SLC25A12: variants seen among roughly 807,000 people sequenced by gnomAD.
The protein encoded by SLC25A12 is electrogenic aspartate/glutamate antiporter SLC25A12, mitochondrial.
SLC25A12 carries 32 observed loss-of-function variants against 83.3 expected under a neutral mutation model. That is an observed-to-expected ratio of 0.38 (90% CI 0.29 to 0.52). The LOEUF (loss-of-function observed/expected upper bound fraction) is 0.52, where lower values mean the gene tolerates loss of function less well. Among genes scored for constraint, SLC25A12 ranks in the 20% least tolerant of loss-of-function variants. The probability of loss-of-function intolerance (pLI) is 0.84; values close to 1 mark genes in which losing one functional copy is unlikely to be tolerated. For synonymous variants in SLC25A12, 267 were observed against 291.1 expected (o/e 0.92, Z 0.84); for missense variants, 611 against 835.6 (o/e 0.73, Z 3.31).
intron 3 of SLC25A12, among the ~76,000 whole-genome samples, chr2:171,859,082 G>T (rs1233912167): frequency 6.6e-6 from 1 of 152,066 alleles, no homozygotes; most frequent in African/African-American, 2.4e-5. Context: ...CTTCAATTTG[G>T]TGTTCTTCCA....
At chr2:171,841,339 C>T (rs1009938226) in intron 5 of SLC25A12, among the ~76,000 whole-genome samples, 1 of 152,064 alleles carries the variant, frequency 6.6e-6, no homozygotes, top group African/African-American at 2.4e-5. Context: ...CTTGGCCCCC[C>T]AAAGTGCTGG....
At chr2:171,862,035 C>A (rs768769389) in intron 3 of SLC25A12, among the ~76,000 whole-genome samples, 1 of 151,974 alleles carries the variant, frequency 6.6e-6, no homozygotes, top group Non-Finnish European at 1.5e-5. Flanking sequence ...TAAATAGGAA[C>A]TAATAAAATG....
At chr2:171,875,338 G>A (rs1024112947) in intron 2 of SLC25A12, among the ~76,000 whole-genome samples, 4 of 152,104 alleles carry the variant, frequency 2.6e-5, no homozygotes, top group African/African-American at 4.8e-5. Flanking sequence ...TCCTGCTTTC[G>A]TTCTTTCATT....
intron 3 of SLC25A12, among the ~76,000 whole-genome samples, chr2:171,866,365 GT>G (rs1297210160): frequency 2.8e-5 from 4 of 141,234 alleles, no homozygotes; most frequent in South Asian, 2.4e-4. Flanking sequence ...CCCAGACGGG[GT>G]GGTGGCCGGG....
chr2:171,859,051 T>C (rs1040643741), intron 3 of SLC25A12, among the ~76,000 whole-genome samples: 1 of 152,226 alleles, frequency 6.6e-6, no homozygotes, highest in Non-Finnish European at 1.5e-5. Flanking sequence ...GTGAGTCTAC[T>C]TAAAGACTCC....
chr2:171,827,289 G>A (rs1214537967), intron 8 of SLC25A12, among the ~76,000 whole-genome samples: 1 of 149,552 alleles, frequency 6.7e-6, no homozygotes, highest in Non-Finnish European at 1.5e-5. Context: ...AAGGAACAAG[G>A]GTATGAGGGA....
chr2:171,862,220 G>T (rs533950350), intron 3 of SLC25A12, among the ~76,000 whole-genome samples: 1 of 152,226 alleles, frequency 6.6e-6, no homozygotes, highest in South Asian at 2.1e-4. Context: ...TTCTGACTAG[G>T]ACTAAATATA....
Position 171,787,827 on chromosome 2 carries a change from C to T in SLC25A12, c.1706G>A (p.Arg569Gln), listed in dbSNP as rs773781970. 2.3e-5 allele frequency: 37 copies of T among 1,614,080 alleles called. No homozygotes were observed. Among genetic ancestry groups the T allele is most frequent in the East Asian group, 2.2e-4 (10 of 44,898 alleles). ...CCAAAATGCTGAGGGCCCTTCTTCC[C>T]GGAGAATCTTCCTGAAACAGTCGAT... ...GVIDCFRKIL[R>Q]EEGPSAFWKG... The change falls in exon 16 of 18, where the codon CGG (arginine) becomes CAG (glutamine). Residue 569 changes from arginine (R) to glutamine (Q), a missense_variant. Transcript: ENST00000422440.
Position 171,792,444 on chromosome 2 carries a change from T to G in SLC25A12, c.1447-855A>C, listed in dbSNP as rs186227529. 5.3e-5 allele frequency among the ~76,000 whole-genome samples: 8 copies of G among 151,572 alleles called. No homozygotes were observed. In the East Asian group the frequency reaches 1.5e-3, roughly 29 times the overall value. On this transcript the variant is annotated intron_variant, in intron 14 of 17. Coordinates refer to ENST00000422440, the MANE Select transcript of SLC25A12 (RefSeq NM_003705.5). ...CTGGGATGATAGGTGTGCACCACTG[T>G]GCCGGCTAATTTTTTCTTTCTTTTT... is the stretch of plus-strand genomic sequence containing the variant.
intron 5 of SLC25A12, among the ~76,000 whole-genome samples, chr2:171,843,422 C>T (rs57785554): frequency 2.1e-3 from 2 of 932 alleles, no homozygotes. Context: ...TCACTTGAGG[C>T]CAGGAGTTCA....
chr2:171,892,691 T>C (rs1685968902), intron 2 of SLC25A12, among the ~76,000 whole-genome samples: 1 of 148,290 alleles, frequency 6.7e-6, no homozygotes, highest in African/African-American at 2.5e-5. Context: ...GGTAGACCAT[T>C]GCAAGAATCT....
chr2:171,881,255 C>G (rs954564755), intron 2 of SLC25A12, among the ~76,000 whole-genome samples: 1 of 152,092 alleles, frequency 6.6e-6, no homozygotes, highest in South Asian at 2.1e-4. Context: ...CAGGTTCAAG[C>G]GATTCTCCCA....
intron 9 of SLC25A12, among the ~76,000 whole-genome samples, chr2:171,819,416 T>TTATATAAGTATATAATTA (rs56154524): frequency 8.2e-6 from 1 of 122,116 alleles, no homozygotes; most frequent in Non-Finnish European, 1.6e-5. Flanking sequence ...AAGTATATAA[T>TTATATAAGTATATAATTA]TATGTTATAT....
At chr2:171,871,986 A>C (rs2105920460) in intron 2 of SLC25A12, among the ~76,000 whole-genome samples, 1 of 152,080 alleles carries the variant, frequency 6.6e-6, no homozygotes, top group African/African-American at 2.4e-5. Context: ...ACAAAAATAA[A>C]AAGACGTAGC....
intron 4 of SLC25A12, among the ~76,000 whole-genome samples, chr2:171,844,928 G>A (rs1319250181): frequency 7.9e-5 from 12 of 152,220 alleles, no homozygotes; most frequent in African/African-American, 2.9e-4. Flanking sequence ...GTCATACTAA[G>A]TATGGTTTGA....
rs7355682 is a variant in SLC25A12, at chr2:171,881,984, T to C, written c.66+11221A>G. 7.0e-4 allele frequency among the ~76,000 whole-genome samples: 106 copies of C among 152,302 alleles called. 1 individual carries two copies. Among genetic ancestry groups the C allele is most frequent in the African/African-American group, 2.5e-3 (103 of 41,562 alleles). On this transcript the variant is annotated intron_variant, in intron 2 of 17. Coordinates refer to ENST00000422440, the MANE Select transcript of SLC25A12 (RefSeq NM_003705.5). ...TCTTCAGGGGTCCTAATTTTGGTTATTTTTTGTCATTTCACTTAAGGTATT... is the reference window on the plus strand; with the variant it reads ...TCTTCAGGGGTCCTAATTTTGGTTACTTTTTGTCATTTCACTTAAGGTATT...
intron 3 of SLC25A12, among the ~76,000 whole-genome samples, chr2:171,859,020 T>C (rs1432832249): frequency 6.6e-6 from 1 of 152,220 alleles, no homozygotes; most frequent in Non-Finnish European, 1.5e-5. Flanking sequence ...GTGATCTTCC[T>C]CAAAGACATT....
chr2:171,846,894 A>C (rs1220740197), intron 4 of SLC25A12, among the ~76,000 whole-genome samples: 1 of 152,220 alleles, frequency 6.6e-6, no homozygotes, highest in African/African-American at 2.4e-5. Flanking sequence ...CTCTGTAATA[A>C]AAACTTTAGA....
At chr2:171,816,436 G>A (rs999692145) in intron 9 of SLC25A12, among the ~76,000 whole-genome samples, 1 of 152,012 alleles carries the variant, frequency 6.6e-6, no homozygotes, top group Non-Finnish European at 1.5e-5. Flanking sequence ...CTAAAATAGT[G>A]TAGTATTTTC....
Sources: gnomAD v4.1 joint callset for allele counts (sites outside exome capture counted in the v4.1 genomes callset) on GRCh38, gnomAD v4.1.1 for gene constraint, MANE v1.5 for transcripts, NCBI Gene and HGNC (gene_info 2026-07-23, HGNC 2026-07-21) for gene names.